ZC3H6: variants seen among roughly 807,000 people sequenced by gnomAD.
The protein encoded by ZC3H6 is zinc finger CCCH domain-containing protein 6.
Under a neutral mutation model 107.7 loss-of-function variants are expected in ZC3H6, and 40 were observed. The ratio of observed to expected loss-of-function variants is 0.37; its 90% confidence interval spans 0.29 to 0.48. The LOEUF is 0.48. Among genes scored for constraint, ZC3H6 ranks in the 20% least tolerant of loss-of-function variants. ZC3H6 has a pLI of 0.98. For synonymous variants in ZC3H6, 493 were observed against 487.9 expected, an observed-to-expected ratio of 1.01 and a Z score of -0.14; for missense variants, 1,267 against 1,410.4, an observed-to-expected ratio of 0.90 and a Z score of 1.63.
chr2:112,316,139 A>G (rs1389443583), intron 5 of ZC3H6, among the ~76,000 whole-genome samples: 4 of 152,226 alleles, frequency 2.6e-5, no homozygotes, highest in East Asian at 1.9e-4. Context: ...AAAGTCTTTT[A>G]TAACATACCT....
intron 8 of ZC3H6, among the ~76,000 whole-genome samples, chr2:112,322,150 T>C (rs1676813735): frequency 6.9e-6 from 1 of 143,920 alleles, no homozygotes; most frequent in South Asian, 2.4e-4. Flanking sequence ...CCTCCTTCCT[T>C]CCTCCCTCCC....
chr2:112,277,824 A>G (rs1014214138), intron 1 of ZC3H6, among the ~76,000 whole-genome samples: 6 of 152,132 alleles, frequency 3.9e-5, no homozygotes, highest in African/African-American at 7.2e-5. Flanking sequence ...ATGAAAAACA[A>G]AACAACTACA....
At chr2:112,325,323 A>G (rs1676887849) in intron 11 of ZC3H6, 126 bp downstream of exon 11, 6 of 853,628 alleles carry the variant, frequency 7.0e-6, no homozygotes, top group South Asian at 1.8e-5. Context: ...GTGAAACCCC[A>G]TCTCTACTAA....
chr2:112,324,384 A>G lies in ZC3H6; in HGVS notation c.1573A>G (p.Ile525Val). The G allele has an allele frequency of 6.2e-7, 1 of 1,613,984 alleles. No individual in the cohort carries two copies. The highest frequency in any genetic ancestry group is 8.5e-7 in the Non-Finnish European group (1 of 1,179,878). Residue 525 changes from isoleucine (I) to valine (V), a missense_variant, in exon 10 of 12, where the codon ATT becomes GTT. By Grantham distance (29) the Ile-to-Val change is conservative (BLOSUM62 3). Around this residue, in one of 3 missense-constraint regions of ZC3H6, gnomAD observed 925 missense variants for 1,025.7 expected, o/e 0.90. Coordinates refer to ENST00000409871, the MANE Select transcript of ZC3H6 (RefSeq NM_198581.3). The stretch of plus-strand genomic sequence containing the variant: ...ACCTTTACCACCTGGTCCACCTGAA[A>G]TTGTAGGTCCTCAAAATCAAGCTGG... ...SPPLPPGPPE[I>V]VGPQNQAGVL...
rs775394959 is a variant in ZC3H6, at chr2:112,331,651, A to T, written c.2733A>T (p.Leu911=). ...PLPPLIADQR[L]NRLWNTKSDL... ...CCCCACTTATAGCTGACCAGAGGCTAAATAGATTATGGAATACAAAAAGTG... is the reference window on the plus strand; with the variant it reads ...CCCCACTTATAGCTGACCAGAGGCTTAATAGATTATGGAATACAAAAAGTG... The change falls in exon 12 of 12, where the codon CTA becomes CTT. Residue 911 remains leucine (L), a synonymous_variant. Coordinates refer to ENST00000409871, the MANE Select transcript of ZC3H6 (RefSeq NM_198581.3). The T allele has an allele frequency of 6.2e-7, 1 of 1,613,894 alleles. No homozygotes were observed. The highest frequency in any genetic ancestry group is 8.5e-7 in the Non-Finnish European group (1 of 1,179,916).
At chr2:112,315,112 A>T (rs1456152671) in intron 5 of ZC3H6, among the ~76,000 whole-genome samples, 1 of 152,210 alleles carries the variant, frequency 6.6e-6, no homozygotes, top group Non-Finnish European at 1.5e-5. Flanking sequence ...TCAGAAGAGT[A>T]AATAGTCATT....
At chr2:112,307,213 A>G (rs1271573581) in intron 3 of ZC3H6, among the ~76,000 whole-genome samples, 1 of 152,238 alleles carries the variant, frequency 6.6e-6, no homozygotes, top group Non-Finnish European at 1.5e-5. Context: ...GATAACAAGT[A>G]TCTGCTATAT....
In ZC3H6 at chr2:112,332,158, A is replaced by C. The variant is rs1291394830; in HGVS notation, c.3240A>C (p.Leu1080Phe). The C allele has an allele frequency of 6.2e-7, 1 of 1,613,854 alleles. No homozygotes were observed. The highest frequency in any genetic ancestry group is 8.5e-7 in the Non-Finnish European group (1 of 1,179,868). The change falls in exon 12 of 12, where the codon TTA becomes TTC. Residue 1080 changes from leucine to phenylalanine, a missense_variant. Leu to Phe is a conservative substitution (Grantham distance 22). Around this residue, in one of 3 missense-constraint regions of ZC3H6, gnomAD observed 925 missense variants for 1,025.7 expected, o/e 0.90. Transcript: ENST00000409871. The part of the protein sequence containing the change: ...NSKNQKKSGG[L>F]KSSDKTEPSP... ...AGAACCAGAAAAAAAGTGGTGGCTT[A>C]AAAAGTAGTGACAAAACTGAACCTT... is the stretch of plus-strand genomic sequence containing the variant.
chr2:112,279,761 A>G (rs1415691019), intron 1 of ZC3H6, among the ~76,000 whole-genome samples: 1 of 152,188 alleles, frequency 6.6e-6, no homozygotes, highest in African/African-American at 2.4e-5. Context: ...CATTAATCCC[A>G]TGTGGTAGTT....
intron 6 of ZC3H6, 23 bp from the exon 7 acceptor site, chr2:112,317,198 C>CTTTTTTTTTTTTTT: frequency 6.8e-6 from 7 of 1,027,106 alleles, no homozygotes; most frequent in South Asian, 4.5e-5. Context: ...TTTCTTTTTT[C>CTTTTTTTTTTTTTT]TTTTTTTTTT....
chr2:112,310,247 C>A, intron 4 of ZC3H6, 86 bp downstream of exon 4: 1 of 1,328,246 alleles, frequency 7.5e-7, no homozygotes, highest in East Asian at 2.4e-5. Context: ...AAACTTATCC[C>A]TGTTCAAGAT....
intron 5 of ZC3H6, among the ~76,000 whole-genome samples, chr2:112,313,813 T>C (rs1676637659): frequency 6.6e-6 from 1 of 152,182 alleles, no homozygotes; most frequent in Non-Finnish European, 1.5e-5. Flanking sequence ...GTCTCTGTCC[T>C]AGGCCTTTCA....
intron 1 of ZC3H6, among the ~76,000 whole-genome samples, chr2:112,294,326 T>G (rs1335572362): frequency 1.3e-5 from 2 of 152,218 alleles, no homozygotes; most frequent in African/African-American, 4.8e-5. Context: ...AAGAAAAATG[T>G]TATAAGTAAT....
At chr2:112,314,922 T>C (rs1252738961) in intron 5 of ZC3H6, among the ~76,000 whole-genome samples, 2 of 152,236 alleles carry the variant, frequency 1.3e-5, no homozygotes, top group Non-Finnish European at 2.9e-5. Context: ...TGTATTCTTG[T>C]ACCTTTTTTA....
intron 11 of ZC3H6, among the ~76,000 whole-genome samples, chr2:112,328,944 A>C (rs2104725660): frequency 6.6e-6 from 1 of 152,164 alleles, no homozygotes; most frequent in African/African-American, 2.4e-5. Flanking sequence ...GTCTCAAAAA[A>C]AAAAAAAAAA....
intron 6 of ZC3H6, 62 bp downstream of exon 6, chr2:112,316,648 C>G: frequency 1.9e-6 from 2 of 1,080,238 alleles, no homozygotes; most frequent in Non-Finnish European, 2.6e-6. Flanking sequence ...AAATTAAAGT[C>G]TTTTGGGGGA....
At position 112,338,855 on chromosome 2, in the gene ZC3H6, GTATATATATATA is replaced by G. The variant is rs1157174486; in HGVS notation, c.*6414_*6425del. 723 of 38,112 alleles carry G rather than the reference GTATATATATATA, an allele frequency of 0.019. 14 individuals are homozygous for G. The highest frequency in any genetic ancestry group is 0.023 in the East Asian group (8 of 346). The allele number at this position is 38,112 out of a possible 1,614,324, so 2.4% of individuals were successfully genotyped here. ...TATATATATATGTATGTATATGTGT[GTATATATATATA>G]TATATATATATATATATATATATAT... is the stretch of plus-strand genomic sequence containing the variant. On this transcript the variant is annotated 3_prime_UTR_variant, in exon 12 of 12. Coordinates refer to ENST00000409871, the MANE Select transcript of ZC3H6 (RefSeq NM_198581.3).
chr2:112,315,659 T>A (rs895654111), intron 5 of ZC3H6, among the ~76,000 whole-genome samples: 2 of 152,104 alleles, frequency 1.3e-5, no homozygotes, highest in Non-Finnish European at 2.9e-5. Flanking sequence ...AGTGGCGTGA[T>A]CTTGGCTCTC....
rs1573941061 is a variant in ZC3H6, at chr2:112,275,733, A to G, written c.-262A>G. 4.8e-6 allele frequency: 2 copies of G among 416,510 alleles called. No individual in the cohort carries two copies. Among genetic ancestry groups the G allele is most frequent in the East Asian group, 3.6e-5 (1 of 28,166 alleles). 25.8% of individuals were successfully genotyped at this position (416,510 alleles called of 1,614,324 possible). A position where few individuals can be genotyped will look rare whatever the true frequency, so the allele number is the denominator to read the frequency against. On this transcript the variant is annotated 5_prime_UTR_variant, in exon 1 of 12. Transcript: ENST00000409871. Reference sequence around the variant, plus strand: ...CGCCACAGCCACCGGCGGCGAATAGAGACTAGAGCGGCAGCGCCGGCAGCG... The same window carrying G: ...CGCCACAGCCACCGGCGGCGAATAGGGACTAGAGCGGCAGCGCCGGCAGCG...
Sources: gnomAD v4.1 joint callset for allele counts (sites outside exome capture counted in the v4.1 genomes callset) on GRCh38, gnomAD v4.1.1 for gene constraint, gnomAD v4.1.1 regional missense constraint, MANE v1.5 for transcripts, NCBI Gene and HGNC (gene_info 2026-07-23, HGNC 2026-07-21) for gene names.